DDX60L: variants seen among roughly 807,000 people sequenced by gnomAD.
The protein encoded by DDX60L is DExD/H-box 60 like.
In DDX60L, 191 loss-of-function variants were observed where a neutral mutation model predicts 211.6. The ratio of observed to expected loss-of-function variants is 0.90; its 90% confidence interval spans 0.80 to 1.02. The LOEUF (loss-of-function observed/expected upper bound fraction) is 1.02. DDX60L is among the 50% of genes least tolerant of loss of function. The pLI is 0.00. For missense variants in DDX60L, 2,007 were observed against 1,984.1 expected (o/e 1.01, Z -0.22); for synonymous variants, 706 against 694.1 (o/e 1.02, Z -0.27).
At chr4:168,468,030 G>A (rs1758247593) in intron 4 of DDX60L, among the ~76,000 whole-genome samples, 1 of 152,136 alleles carries the variant, frequency 6.6e-6, no homozygotes, top group African/African-American at 2.4e-5. Flanking sequence ...AGCCAGGCAT[G>A]GTGGCGCATG....
chr4:168,468,192 A>ATAAATAAATAAG (rs1554022757), intron 4 of DDX60L, among the ~76,000 whole-genome samples: 10 of 151,902 alleles, frequency 6.6e-5, no homozygotes, highest in African/African-American at 2.4e-4. Flanking sequence ...AAATAAATAA[A>ATAAATAAATAAG]CAAGTAAAAT....
At chr4:168,450,038 A>T (rs1016667025) in intron 8 of DDX60L, among the ~76,000 whole-genome samples, 5 of 151,662 alleles carry the variant, frequency 3.3e-5, no homozygotes, top group Non-Finnish European at 7.4e-5. Flanking sequence ...CTCAAAACAA[A>T]CCCCCTTCAT....
At chr4:168,451,757 T>C (rs2150056640) in intron 8 of DDX60L, among the ~76,000 whole-genome samples, 1 of 152,308 alleles carries the variant, frequency 6.6e-6, no homozygotes, top group Non-Finnish European at 1.5e-5. Context: ...AAGTACTATA[T>C]TGATTTTTCT....
Position 168,416,670 on chromosome 4 carries a change from A to C in DDX60L, c.2726+12T>G. ...TGAATATATAACAACCACTCTTTTT[A>C]CCTATACCTACTTGGTGAGAAGATT... On this transcript the variant is annotated intron_variant, in intron 20 of 37. Coordinates refer to ENST00000682922, the MANE Select transcript of DDX60L (RefSeq NM_001012967.3). 3 of 1,530,440 alleles carry C rather than the reference A, an allele frequency of 2.0e-6. No individual in the cohort carries two copies. The highest frequency in any genetic ancestry group is 2.7e-6 in the Non-Finnish European group (3 of 1,121,606). The allele number at this position is 1,530,440 out of a possible 1,614,324, so 94.8% of individuals were successfully genotyped here. A position where few individuals can be genotyped will look rare whatever the true frequency, so the allele number is the denominator to read the frequency against.
intron 30 of DDX60L, among the ~76,000 whole-genome samples, chr4:168,383,710 C>T (rs1463908444): frequency 1.3e-5 from 2 of 152,074 alleles, no homozygotes; most frequent in Non-Finnish European, 2.9e-5. Flanking sequence ...CCTCTCTGGG[C>T]CTGATAATTA....
intron 22 of DDX60L, among the ~76,000 whole-genome samples, chr4:168,410,490 T>C (rs1286200729): frequency 2.0e-5 from 3 of 152,310 alleles, no homozygotes; most frequent in South Asian, 2.1e-4. Flanking sequence ...TGGAGAAACA[T>C]TGAAGACTTT....
rs114831408 is a variant in DDX60L at position 168,454,377 on chromosome 4, G to A, written c.838-1095C>T. 2.4e-3 allele frequency among the ~76,000 whole-genome samples: 368 copies of A among 152,158 alleles called. 2 individuals are homozygous for A. The highest frequency in any genetic ancestry group is 8.2e-3 in the African/African-American group (342 of 41,508). On this transcript the variant is annotated intron_variant, in intron 7 of 37. Transcript: ENST00000682922. ...ATTCAGGATCTGGGCTCTGAAAACC[G>A]TCTAACTCCAGTCAAGACACTGTAT...
chr4:168,412,788 A>G (rs1208836725), intron 22 of DDX60L, among the ~76,000 whole-genome samples: 2 of 152,210 alleles, frequency 1.3e-5, no homozygotes, highest in African/African-American at 4.8e-5. Flanking sequence ...CAGGGATGCT[A>G]TGTTGCTTTC....
At chr4:168,420,844 C>T (rs981916514) in intron 17 of DDX60L, among the ~76,000 whole-genome samples, 8 of 152,110 alleles carry the variant, frequency 5.3e-5, no homozygotes, top group Admixed American at 4.6e-4. Context: ...TGTCGGGATC[C>T]TTTCTTATTT....
intron 8 of DDX60L, 145 bp from the exon 9 acceptor site, chr4:168,448,924 T>TC: frequency 1.4e-6 from 1 of 720,810 alleles, no homozygotes; most frequent in Non-Finnish European, 2.3e-6. Flanking sequence ...CAGATGGTGA[T>TC]CTATAAGTCC....
chr4:168,470,766 G>A (rs1048942605), intron 4 of DDX60L: 7 of 191,410 alleles, frequency 3.7e-5, no homozygotes, highest in Admixed American at 1.2e-4. Context: ...CTTGAACCTA[G>A]GAGGTGGAGG....
chr4:168,460,036 A>G (rs1259132932), intron 5 of DDX60L, among the ~76,000 whole-genome samples: 5 of 152,216 alleles, frequency 3.3e-5, no homozygotes, highest in Admixed American at 6.5e-5. Context: ...CAATTTTCCA[A>G]CCAAAACAAA....
In DDX60L at chr4:168,415,612, T is replaced by C. The variant is rs116623995; in HGVS notation, c.2869+45A>G. On this transcript the variant is annotated intron_variant, in intron 21 of 37. Transcript: ENST00000682922. The stretch of plus-strand genomic sequence containing the variant: ...AAAATCCCTATAAAAAGCTTTGTAG[T>C]AAAATATAAAAATATATAGTAAAAC... 1,245 of 1,446,126 alleles carry C rather than the reference T, an allele frequency of 8.6e-4. 6 individuals carry two copies. In the African/African-American group the frequency reaches 0.016, roughly 19 times the overall value. The allele number at this position is 1,446,126 out of a possible 1,614,324, so 89.6% of individuals were successfully genotyped here. A position where few individuals can be genotyped will look rare whatever the true frequency, so the allele number is the denominator to read the frequency against.
chr4:168,424,426 T>C (rs1367942626), intron 14 of DDX60L, among the ~76,000 whole-genome samples: 1 of 152,228 alleles, frequency 6.6e-6, no homozygotes, highest in Non-Finnish European at 1.5e-5. Flanking sequence ...CTTTCCTCTT[T>C]GTTAAGAAAT....
At chr4:168,424,517 T>G (rs1669829324) in intron 14 of DDX60L, among the ~76,000 whole-genome samples, 2 of 152,154 alleles carry the variant, frequency 1.3e-5, no homozygotes, top group South Asian at 4.1e-4. Flanking sequence ...CAAATGAAAT[T>G]TAAGACAGAG....
chr4:168,403,589 A>C (rs1359161581), intron 25 of DDX60L, among the ~76,000 whole-genome samples: 1 of 152,200 alleles, frequency 6.6e-6, no homozygotes, highest in African/African-American at 2.4e-5. Context: ...TAGTTTTCTT[A>C]GCTATAAATT....
intron 32 of DDX60L, 32 bp from the exon 33 acceptor site, chr4:168,378,507 G>T (rs756404996): frequency 1.4e-6 from 2 of 1,447,778 alleles, no homozygotes; most frequent in Non-Finnish European, 1.9e-6. Flanking sequence ...TTATAAATAA[G>T]AATAATGTTG....
At position 168,457,889 on chromosome 4, in the gene DDX60L, T is replaced by C; in HGVS notation, c.723+3A>G. 1 of 1,478,036 alleles carries C rather than the reference T, an allele frequency of 6.8e-7. No homozygotes were observed. The highest frequency in any genetic ancestry group is 9.1e-7 in the Non-Finnish European group (1 of 1,103,124). 91.6% of individuals were successfully genotyped at this position (1,478,036 alleles called of 1,614,324 possible). ...TTATTTAAAGAAATAAAAATTTTAA[T>C]ACCTCTTCCATCATATCATTCCATT... On this transcript the variant is annotated splice_donor_region_variant and intron_variant, in intron 6 of 37. Transcript: ENST00000682922.
At chr4:168,396,546 G>A (rs1198600813) in intron 26 of DDX60L, among the ~76,000 whole-genome samples, 1 of 151,978 alleles carries the variant, frequency 6.6e-6, no homozygotes, top group African/African-American at 2.4e-5. Flanking sequence ...AGAAAGAAAA[G>A]GGTAATTTAA....
Sources: gnomAD v4.1 joint callset for allele counts (sites outside exome capture counted in the v4.1 genomes callset) on GRCh38, gnomAD v4.1.1 for gene constraint, MANE v1.5 for transcripts, NCBI Gene and HGNC (gene_info 2026-07-23, HGNC 2026-07-21) for gene names.